Variants in CORO2A observed in about 807,000 individuals in gnomAD.
The protein encoded by CORO2A is coronin-2A.
A neutral mutation model predicts 62.4 loss-of-function variants in CORO2A; 47 were observed. That is an observed-to-expected ratio of 0.75 (90% CI 0.60 to 0.96). The LOEUF (loss-of-function observed/expected upper bound fraction) is 0.96. CORO2A is among the 40% of genes least tolerant of loss of function. The pLI is 0.00. For missense variants in CORO2A, 610 were observed against 684.1 expected, an observed-to-expected ratio of 0.89 and a Z score of 1.21; for synonymous variants, 273 against 268.9, an observed-to-expected ratio of 1.02 and a Z score of -0.15.
chr9:98,142,704 G>A (rs1783263234), intron 2 of CORO2A, among the ~76,000 whole-genome samples: 1 of 151,688 alleles, frequency 6.6e-6, no homozygotes, highest in South Asian at 2.1e-4. Context: ...CTTAGGGTTG[G>A]GCGTGGCTCA....
intron 2 of CORO2A, among the ~76,000 whole-genome samples, chr9:98,155,034 A>G (rs1441665273): frequency 6.6e-6 from 1 of 152,200 alleles, no homozygotes; most frequent in East Asian, 1.9e-4. Flanking sequence ...TTACACTCCC[A>G]TCAGAAGTGT....
At chr9:98,144,988 G>A (rs1165319687) in intron 2 of CORO2A, among the ~76,000 whole-genome samples, 1 of 152,098 alleles carries the variant, frequency 6.6e-6, no homozygotes, top group African/African-American at 2.4e-5. Context: ...TTGAGCAGAG[G>A]GAGAGATGAG....
chr9:98,150,699 C>T (rs1027442601), intron 2 of CORO2A, among the ~76,000 whole-genome samples: 2 of 152,200 alleles, frequency 1.3e-5, no homozygotes, highest in African/African-American at 4.8e-5. Context: ...GGAAAACCAA[C>T]TAATTATTGA....
intron 2 of CORO2A, among the ~76,000 whole-genome samples, chr9:98,139,753 G>A (rs1306928793): frequency 1.3e-5 from 2 of 152,212 alleles, no homozygotes; most frequent in East Asian, 3.8e-4. Context: ...CTATGATTGT[G>A]CCACTGCACT....
chr9:98,177,504 A>G (rs1588014374), intron 1 of CORO2A, among the ~76,000 whole-genome samples: 2 of 126,800 alleles, frequency 1.6e-5, no homozygotes, highest in East Asian at 2.3e-4. Context: ...GCTCTGCTGG[A>G]GACCCAGGCT....
intron 2 of CORO2A, among the ~76,000 whole-genome samples, chr9:98,141,204 G>A (rs1406911117): frequency 6.6e-6 from 1 of 152,114 alleles, no homozygotes; most frequent in Non-Finnish European, 1.5e-5. Flanking sequence ...TCTCTTTCAA[G>A]TGGTCTCTGC....
intron 1 of CORO2A, among the ~76,000 whole-genome samples, chr9:98,174,593 G>A (rs938773247): frequency 1.3e-5 from 2 of 152,084 alleles, no homozygotes; most frequent in African/African-American, 4.8e-5. Flanking sequence ...CTGGTGAGAG[G>A]TGATTGGATC....
In CORO2A at chr9:98,129,820, C is replaced by G. The variant is rs144120813; in HGVS notation, c.941G>C (p.Arg314Pro). ...KPHLSYLTEY[R>P]SYNPQKGIGV... The stretch of plus-strand genomic sequence containing the variant: ...GATCCCCTTCTGTGGGTTATAGGAG[C>G]GGTACTCAGTCAGGTAGCTCAGGTG... Residue 314 changes from arginine to proline, a missense_variant, in exon 8 of 12, where the codon CGC becomes CCC. Physicochemically the swap from Arg to Pro is moderately radical, Grantham distance 103. Transcript: ENST00000375077. 1.9e-6 allele frequency: 3 copies of G among 1,613,774 alleles called. No individual in the cohort carries two copies. Among genetic ancestry groups the G allele is most frequent in the Non-Finnish European group, 2.5e-6 (3 of 1,179,848 alleles).
At chr9:98,181,002 C>G (rs1048619077) in intron 1 of CORO2A, among the ~76,000 whole-genome samples, 36 of 152,344 alleles carry the variant, frequency 2.4e-4, no homozygotes, top group African/African-American at 8.4e-4. Flanking sequence ...TCACTCTTAT[C>G]AACACCCTAA....
chr9:98,166,880 C>T (rs1052842739), intron 1 of CORO2A, among the ~76,000 whole-genome samples: 2 of 151,818 alleles, frequency 1.3e-5, no homozygotes, highest in Non-Finnish European at 2.9e-5. Context: ...TGAGGTGGAT[C>T]GCTTGGGTTC....
chr9:98,184,107 G>A (rs1828209616), intron 1 of CORO2A, among the ~76,000 whole-genome samples: 1 of 152,138 alleles, frequency 6.6e-6, no homozygotes, highest in Non-Finnish European at 1.5e-5. Context: ...TCAGGGATTT[G>A]AATATCCACA....
At chr9:98,160,667 C>A (rs73657106) in intron 1 of CORO2A, among the ~76,000 whole-genome samples, 1 of 152,154 alleles carries the variant, frequency 6.6e-6, no homozygotes, top group Non-Finnish European at 1.5e-5. Context: ...AGCAAATCAG[C>A]AGGCTCCGCT....
rs139922662 is a variant in CORO2A at position 98,157,582 on chromosome 9, C to T, written c.79G>A (p.Asp27Asn). The T allele has an allele frequency of 6.6e-5, 106 of 1,614,110 alleles. No individual in the cohort carries two copies. In the East Asian group the frequency reaches 7.6e-4, roughly 12 times the overall value. Residue 27 changes from aspartate to asparagine, a missense_variant, in exon 2 of 12, where the codon GAC becomes AAC. By Grantham distance (23) the Asp-to-Asn change is conservative (BLOSUM62 1). Coordinates refer to ENST00000375077, the MANE Select transcript of CORO2A (RefSeq NM_052820.4). ...GKPASKENCY[D>N]SVPITRSVHD... ...ACGCTGCGGGTGATAGGCACGGAGT[C>T]GTAGCAGTTCTCCTTGCTGGCTGGT...
In CORO2A at chr9:98,161,931, C is replaced by A. The variant is rs529132485; in HGVS notation, c.1-4271G>T. Reference sequence around the variant, plus strand: ...TCTGGCCCAACTCCTGAGAGCCACTCTCCATCCAGGAGGAGTGAGGAGGCC... The same window carrying A: ...TCTGGCCCAACTCCTGAGAGCCACTATCCATCCAGGAGGAGTGAGGAGGCC... On this transcript the variant is annotated intron_variant, in intron 1 of 11. Coordinates refer to ENST00000375077, the MANE Select transcript of CORO2A (RefSeq NM_052820.4). 3.9e-5 allele frequency among the ~76,000 whole-genome samples: 6 copies of A among 152,324 alleles called. No homozygotes were observed. The East Asian group carries it at 7.7e-4, about 20-fold the overall frequency.
intron 2 of CORO2A, among the ~76,000 whole-genome samples, chr9:98,154,516 T>C (rs1207909158): frequency 6.6e-6 from 1 of 151,908 alleles, no homozygotes; most frequent in Non-Finnish European, 1.5e-5. Flanking sequence ...TACTAGCACA[T>C]AGGAGGTCTC....
chr9:98,129,731 C>T, intron 8 of CORO2A, 63 bp downstream of exon 8: 1 of 1,301,708 alleles, frequency 7.7e-7, no homozygotes, highest in Non-Finnish European at 1.1e-6. Context: ...GACCCTGATT[C>T]TCCCACCTCG....
At chr9:98,138,617 G>C (rs1827522465) in intron 2 of CORO2A, among the ~76,000 whole-genome samples, 1 of 152,178 alleles carries the variant, frequency 6.6e-6, no homozygotes, top group African/African-American at 2.4e-5. Context: ...GAAAACACTA[G>C]AAGAAGAGGC....
chr9:98,122,558 G>C lies in CORO2A; in HGVS notation c.*2216C>G, dbSNP rs192924976. ...CTATTGTATTGACCACTGAACTTTA[G>C]AGTAGGGCTCGGAACACAGATTCAC... On this transcript the variant is annotated 3_prime_UTR_variant, in exon 12 of 12. Transcript: ENST00000375077. The C allele has an allele frequency of 2.0e-5, 3 of 152,278 alleles. No homozygotes were observed. The highest frequency in any genetic ancestry group is 7.2e-5 in the African/African-American group (3 of 41,536). The allele number at this position is 152,278 out of a possible 1,614,324, so 9.4% of individuals were successfully genotyped here.
chr9:98,175,470 T>A (rs1828095428), intron 1 of CORO2A, among the ~76,000 whole-genome samples: 1 of 152,184 alleles, frequency 6.6e-6, no homozygotes, highest in Non-Finnish European at 1.5e-5. Flanking sequence ...CACATAGATA[T>A]TCCAAGCCCA....
Sources: allele counts gnomAD v4.1 joint callset (sites outside exome capture counted in the v4.1 genomes callset), GRCh38; gene constraint gnomAD v4.1.1; transcripts MANE v1.5; gene names NCBI Gene and HGNC (gene_info 2026-07-23, HGNC 2026-07-21).